Variants in TSC22D3 observed in about 807,000 individuals in gnomAD.
TSC22D3 encodes TSC22 domain family protein 3.
Under a neutral mutation model 11.1 loss-of-function variants are expected in TSC22D3, and 4 were observed. The observed-to-expected ratio is 0.36, with a 90% CI of 0.18 to 0.83. The LOEUF is 0.83. TSC22D3 is among the 40% of genes least tolerant of loss of function. TSC22D3 has a pLI of 0.48. For synonymous variants in TSC22D3, 77 were observed against 70.3 expected (o/e 1.10, Z -0.48); for missense variants, 118 against 159.4 (o/e 0.74, Z 1.40).
At chrX:107,763,904 C>A (rs764618782) in intron 1 of TSC22D3, among the ~76,000 whole-genome samples, 2 of 112,178 alleles carry the variant, frequency 1.8e-5, no homozygotes, top group African/African-American at 6.5e-5. Context: ...TGTCAGTCCT[C>A]CCCTTTGGGA....
At chrX:107,767,595 G>A (rs1569455034) in intron 1 of TSC22D3, among the ~76,000 whole-genome samples, 1 of 112,388 alleles carries the variant, frequency 8.9e-6, no homozygotes, top group African/African-American at 3.2e-5. Flanking sequence ...TGCTCTCACA[G>A]ATCGCATCTT....
At position 107,775,302 on chromosome X, in the gene TSC22D3, GGTT is replaced by G; in HGVS notation, c.115_117del (p.Asn39del). Reference sequence around the variant, plus strand: ...AAGTTGCTCACTGTAGGGCTGCCCGGGTTGTTGTTCTCCCCGCTGCTGCCTCGC... The same window carrying G: ...AAGTTGCTCACTGTAGGGCTGCCCGGGTTGTTCTCCCCGCTGCTGCCTCGC... On this transcript the variant is annotated inframe_deletion, in exon 1 of 3. Transcript: ENST00000372383. The G allele has an allele frequency of 1.7e-6, 2 of 1,211,992 alleles. No homozygotes were observed. Among genetic ancestry groups the G allele is most frequent in the Non-Finnish European group, 2.2e-6 (2 of 895,520 alleles).
At chrX:107,732,867 G>A (rs766629300) in intron 1 of TSC22D3, among the ~76,000 whole-genome samples, 11 of 111,258 alleles carry the variant, frequency 9.9e-5, no homozygotes, top group Non-Finnish European at 1.3e-4. Context: ...GGAAGCCAAG[G>A]GGGGAGGATC....
At chrX:107,762,920 G>A (rs745414871) in intron 1 of TSC22D3, among the ~76,000 whole-genome samples, 20 of 92,186 alleles carry the variant, frequency 2.2e-4, no homozygotes, top group African/African-American at 5.3e-4. Context: ...GCAATGGCAC[G>A]ATCTCGGATC....
At chrX:107,740,045 T>C (rs1328954366) in intron 1 of TSC22D3, among the ~76,000 whole-genome samples, 4 of 112,227 alleles carry the variant, frequency 3.6e-5, no homozygotes, top group African/African-American at 6.5e-5. Context: ...CTCAATCAAC[T>C]TTCTCCAGAC....
intron 1 of TSC22D3, among the ~76,000 whole-genome samples, chrX:107,729,805 G>C (rs762865094): frequency 8.9e-6 from 1 of 112,837 alleles, no homozygotes; most frequent in Non-Finnish European, 1.9e-5. Context: ...GACTGGGACC[G>C]TCCTCCCCTG....
chrX:107,734,754 T>C (rs972279202), intron 1 of TSC22D3, among the ~76,000 whole-genome samples: 4 of 110,047 alleles, frequency 3.6e-5, no homozygotes, highest in Non-Finnish European at 7.6e-5. Flanking sequence ...ACATTTTTTT[T>C]TACCAGTAAT....
intron 1 of TSC22D3, among the ~76,000 whole-genome samples, chrX:107,774,184 A>T (rs1252117892): frequency 8.9e-6 from 1 of 111,950 alleles, no homozygotes; most frequent in Non-Finnish European, 1.9e-5. Flanking sequence ...GGCGCTAAGG[A>T]CACTAAATCC....
At chrX:107,765,355 C>T (rs1000382708) in intron 1 of TSC22D3, among the ~76,000 whole-genome samples, 5 of 112,110 alleles carry the variant, frequency 4.5e-5, no homozygotes, top group South Asian at 7.4e-4. Flanking sequence ...CCTGAGGTCA[C>T]GCCAGTGCTT....
chrX:107,714,966 G>C (rs979226519), intron 2 of TSC22D3, among the ~76,000 whole-genome samples: 2 of 111,754 alleles, frequency 1.8e-5, no homozygotes, highest in African/African-American at 6.5e-5. Flanking sequence ...GCTTATGCTG[G>C]AGTTGAGAGC....
intron 1 of TSC22D3, among the ~76,000 whole-genome samples, chrX:107,757,703 T>TCCCTTTCC (rs1209970861): frequency 1.8e-5 from 2 of 109,192 alleles, no homozygotes; most frequent in Non-Finnish European, 3.8e-5. Flanking sequence ...CACACTCTCT[T>TCCCTTTCC]CCCTTTCCCC....
chrX:107,752,119 CG>C (rs1345049888), intron 1 of TSC22D3, among the ~76,000 whole-genome samples: 1 of 111,727 alleles, frequency 9.0e-6, no homozygotes, highest in Non-Finnish European at 1.9e-5. Context: ...TAAGCAGCGG[CG>C]GGGGGTAGCA....
intron 1 of TSC22D3, among the ~76,000 whole-genome samples, chrX:107,726,268 T>A (rs1475752327): frequency 8.9e-6 from 1 of 112,267 alleles, no homozygotes; most frequent in Non-Finnish European, 1.9e-5. Flanking sequence ...CCTTATTTTA[T>A]TTTATTTTAT....
At chrX:107,716,166 C>G (rs1927012579) in intron 1 of TSC22D3, 1 of 669,597 alleles carries the variant, frequency 1.5e-6, no homozygotes. Context: ...GCGCTGCTGC[C>G]GCCGCCCCGA....
chrX:107,723,862 C>T (rs1022088137), intron 1 of TSC22D3, among the ~76,000 whole-genome samples: 1 of 112,470 alleles, frequency 8.9e-6, no homozygotes, highest in African/African-American at 3.2e-5. Context: ...GTGCAGCAGA[C>T]GAGGGGCTTG....
chrX:107,746,606 C>T (rs1314924757), intron 1 of TSC22D3, among the ~76,000 whole-genome samples: 1 of 112,038 alleles, frequency 8.9e-6, no homozygotes, highest in Non-Finnish European at 1.9e-5. Context: ...TTCACAAACA[C>T]AGGTAGGCCC....
rs1247121290 is a variant in TSC22D3 at position 107,716,340 on chromosome X, C to G, written c.321-390G>C. ...CCGGCTCTGAAGCTAGCTAGGAATT[C>G]CTTCTCGGCTGGTAAGCTTCCGGCC... On this transcript the variant is annotated intron_variant, in intron 1 of 2. Coordinates refer to ENST00000372383, the MANE Select transcript of TSC22D3 (RefSeq NM_198057.3). 6 of 914,003 alleles carry G rather than the reference C, an allele frequency of 6.6e-6. No individual in the cohort carries two copies. In the African/African-American group the frequency reaches 1.3e-4, roughly 19 times the overall value. The allele number at this position is 914,003 out of a possible 1,213,427, so 75.3% of individuals were successfully genotyped here. A position where few individuals can be genotyped will look rare whatever the true frequency, so the allele number is the denominator to read the frequency against.
rs780867075 is a variant in TSC22D3, at chrX:107,732,924, G to A, written c.321-16974C>T. Among the ~76,000 whole-genome samples, 44 of 109,931 alleles carry A rather than the reference G, an allele frequency of 4.0e-4. 1 individual carries two copies. Among genetic ancestry groups the A allele is most frequent in the Non-Finnish European group, 6.8e-4 (36 of 52,610 alleles). The stretch of plus-strand genomic sequence containing the variant: ...ACCAGCCTGGGCAACATGACGAAAC[G>A]CCGTCTGTACAAAAGAATTTTTAAA... On this transcript the variant is annotated intron_variant, in intron 1 of 2. Coordinates refer to ENST00000372383, the MANE Select transcript of TSC22D3 (RefSeq NM_198057.3).
At chrX:107,738,724 G>A (rs1359105944) in intron 1 of TSC22D3, among the ~76,000 whole-genome samples, 1 of 113,187 alleles carries the variant, frequency 8.8e-6, no homozygotes, top group Non-Finnish European at 1.9e-5. Flanking sequence ...TCTGGGACCA[G>A]CAGAGCTGAG....
Sources: gnomAD v4.1 joint callset for allele counts (sites outside exome capture counted in the v4.1 genomes callset) on GRCh38, gnomAD v4.1.1 for gene constraint, MANE v1.5 for transcripts, NCBI Gene and HGNC (gene_info 2026-07-23, HGNC 2026-07-21) for gene names.